Variants in PTK2B observed in about 807,000 individuals in gnomAD.
The protein encoded by PTK2B is protein tyrosine kinase 2 beta, also known as protein-tyrosine kinase 2-beta.
A neutral mutation model predicts 142.9 loss-of-function variants in PTK2B; 71 were observed. The ratio of observed to expected loss-of-function variants is 0.50; its 90% confidence interval spans 0.41 to 0.61. The LOEUF is 0.61. Ranked by LOEUF, PTK2B falls within the 20% of genes least tolerant of loss-of-function variation. The pLI is 0.00. For missense variants in PTK2B, 1,105 were observed against 1,320.4 expected (o/e 0.84, Z 2.53); for synonymous variants, 519 against 503.4 (o/e 1.03, Z -0.42).
intron 2 of PTK2B, among the ~76,000 whole-genome samples, chr8:27,411,371 C>T (rs911697623): frequency 2.0e-5 from 3 of 152,206 alleles, no homozygotes; most frequent in Admixed American, 6.5e-5. Flanking sequence ...TTACCCCAAT[C>T]TGGCCACCCC....
chr8:27,431,150 C>T (rs771840065), intron 8 of PTK2B, 134 bp downstream of exon 8: 1 of 1,484,230 alleles, frequency 6.7e-7, no homozygotes. Flanking sequence ...GCTGACCTGC[C>T]GTCGGTGGAA....
chr8:27,344,864 G>A (rs1480701088), intron 1 of PTK2B, among the ~76,000 whole-genome samples: 1 of 152,180 alleles, frequency 6.6e-6, no homozygotes, highest in Non-Finnish European at 1.5e-5. Flanking sequence ...GAAGGAAGGA[G>A]GGAGGAAGAA....
intron 1 of PTK2B, among the ~76,000 whole-genome samples, chr8:27,389,158 G>A (rs1192628925): frequency 6.6e-6 from 1 of 151,920 alleles, no homozygotes; most frequent in African/African-American, 2.4e-5. Context: ...TCTTTTTACT[G>A]GATTATGATC....
Position 27,353,500 on chromosome 8 carries a change from T to C in PTK2B, c.-38+27819T>C, listed in dbSNP as rs76674187. On this transcript the variant is annotated intron_variant, in intron 1 of 30. Coordinates refer to ENST00000346049, the MANE Select transcript of PTK2B (RefSeq NM_173176.3). Reference sequence around the variant, plus strand: ...CTAACTATGCCCTCACACGCTGATCTGTGAGTGTGAGTAAACACAGCTCCT... The same window carrying C: ...CTAACTATGCCCTCACACGCTGATCCGTGAGTGTGAGTAAACACAGCTCCT... Among the ~76,000 whole-genome samples, 245 of 152,346 alleles carry C rather than the reference T, an allele frequency of 1.6e-3. 8 individuals carry two copies. The East Asian group carries it at 0.044, about 27-fold the overall frequency.
At chr8:27,347,174 C>T (rs527486676) in intron 1 of PTK2B, among the ~76,000 whole-genome samples, 7 of 149,066 alleles carry the variant, frequency 4.7e-5, no homozygotes, top group African/African-American at 9.9e-5. Flanking sequence ...GACAGGAGTT[C>T]GAGACCAGCC....
intron 1 of PTK2B, among the ~76,000 whole-genome samples, chr8:27,375,796 G>T (rs1806634605): frequency 6.6e-6 from 1 of 152,192 alleles, no homozygotes; most frequent in Non-Finnish European, 1.5e-5. Context: ...CTTATGTCTG[G>T]TTTAGTATTC....
upstream of PTK2B, among the ~76,000 whole-genome samples, chr8:27,321,104 C>T (rs1803206435): frequency 6.9e-6 from 1 of 145,130 alleles, no homozygotes; most frequent in African/African-American, 2.6e-5. Flanking sequence ...AAGCAATCCT[C>T]TTGCATCAGC....
At chr8:27,330,150 C>T (rs902802760) in intron 1 of PTK2B, among the ~76,000 whole-genome samples, 2 of 152,074 alleles carry the variant, frequency 1.3e-5, no homozygotes, top group Admixed American at 6.5e-5. Flanking sequence ...CCCAGATGCA[C>T]CCGCTTAATA....
At chr8:27,446,418 A>T (rs1313111392) in intron 24 of PTK2B, among the ~76,000 whole-genome samples, 5 of 152,148 alleles carry the variant, frequency 3.3e-5, no homozygotes, top group Non-Finnish European at 7.4e-5. Context: ...GTGGGAATAC[A>T]GCCTCATTAA....
chr8:27,419,912 C>T lies in PTK2B; in HGVS notation c.222C>T (p.Ile74=), dbSNP rs374033379. The T allele has an allele frequency of 6.2e-7, 1 of 1,614,094 alleles. No individual in the cohort carries two copies. The highest frequency in any genetic ancestry group is 8.5e-7 in the Non-Finnish European group (1 of 1,180,040). ...CTCTGCAGGAGATCATCACCTCCAT[C>T]CTGCTGAGCGGGCGGATCGGGCCCA... ...QTEIREIITS[I]LLSGRIGPNI... is the part of the protein sequence containing the mutation. The change falls in exon 3 of 31, where the codon ATC becomes ATT. Residue 74 remains isoleucine (I), a synonymous_variant. Coordinates refer to ENST00000346049, the MANE Select transcript of PTK2B (RefSeq NM_173176.3).
At chr8:27,321,751 C>T (rs1266948637), upstream of PTK2B, among the ~76,000 whole-genome samples, 7 of 152,132 alleles carry the variant, frequency 4.6e-5, no homozygotes. Context: ...GAAATGTAGC[C>T]TTCATTTTGG....
intron 1 of PTK2B, among the ~76,000 whole-genome samples, chr8:27,327,178 G>A (rs2322719): frequency 0.39 from 59,050 of 151,974 alleles, 12,284 homozygotes; most frequent in South Asian, 0.46. Flanking sequence ...AATGAAAGTA[G>A]CTGGGCTTGT....
chr8:27,423,203 TA>T (rs1809869182), intron 5 of PTK2B, among the ~76,000 whole-genome samples: 1 of 152,018 alleles, frequency 6.6e-6, no homozygotes. Context: ...AAATAGGCCT[TA>T]TTCTTAGCTG....
At chr8:27,414,072 C>G (rs1809230713) in intron 2 of PTK2B, among the ~76,000 whole-genome samples, 1 of 152,204 alleles carries the variant, frequency 6.6e-6, no homozygotes, top group South Asian at 2.1e-4. Flanking sequence ...CCAATGTTCT[C>G]TCAACACTTT....
intron 1 of PTK2B, among the ~76,000 whole-genome samples, chr8:27,326,334 G>A (rs1803417893): frequency 6.6e-6 from 1 of 152,024 alleles, no homozygotes. Flanking sequence ...GTTCAGAGCT[G>A]CCTCTGCCTG....
chr8:27,340,477 G>A (rs114835794), intron 1 of PTK2B, among the ~76,000 whole-genome samples: 8 of 152,352 alleles, frequency 5.3e-5, no homozygotes, highest in South Asian at 2.1e-4. Flanking sequence ...GCAGGAGCAC[G>A]GTGGAGATAA....
chr8:27,453,084 G>GC (rs778721979), intron 27 of PTK2B, 30 bp from the exon 28 acceptor site: 2 of 1,613,002 alleles, frequency 1.2e-6, no homozygotes, highest in African/African-American at 1.3e-5. Flanking sequence ...GCTGAGAACT[G>GC]CCCCCCACTT....
upstream of PTK2B, chr8:27,310,979 T>G: frequency 1.2e-6 from 2 of 1,612,174 alleles, no homozygotes; most frequent in Non-Finnish European, 1.7e-6. Flanking sequence ...GCCCTCGGCC[T>G]CCTCGCGCAG....
chr8:27,436,275 A>G lies in PTK2B; in HGVS notation c.1268A>G (p.Glu423Gly). The change falls in exon 15 of 31, where the codon GAA becomes GGA. Residue 423 changes from glutamate to glycine, a missense_variant. Transcript: ENST00000346049. Reference protein sequence around the residue: ...PGGPQYGIAREDVVLNRILGE... With the variant: ...PGGPQYGIARGDVVLNRILGE... ...GGTCCACAGTATGGCATTGCCCGTG[A>G]AGATGTGGTCCTGAATCGTATTCTT... 1 of 1,614,148 alleles carries G rather than the reference A, an allele frequency of 6.2e-7. No homozygotes were observed. The highest frequency in any genetic ancestry group is 8.5e-7 in the Non-Finnish European group (1 of 1,180,026).
Sources: allele counts gnomAD v4.1 joint callset (sites outside exome capture counted in the v4.1 genomes callset), GRCh38; gene constraint gnomAD v4.1.1; transcripts MANE v1.5; gene names NCBI Gene and HGNC (gene_info 2026-07-23, HGNC 2026-07-21).